FMNL2: variants seen among roughly 807,000 people sequenced by gnomAD.
FMNL2 encodes formin like 2, also known as formin-like protein 2.
Under a neutral mutation model 130.2 loss-of-function variants are expected in FMNL2, and 51 were observed. That is an observed-to-expected ratio of 0.39 (90% CI 0.31 to 0.49). The LOEUF (loss-of-function observed/expected upper bound fraction) is 0.49, where lower values mean the gene tolerates loss of function less well. Ranked by LOEUF, FMNL2 falls within the 20% of genes least tolerant of loss-of-function variation. The pLI is 0.85. For missense variants in FMNL2, 977 were observed against 1,316.2 expected, an observed-to-expected ratio of 0.74 and a Z score of 3.99; for synonymous variants, 465 against 467.1, an observed-to-expected ratio of 1.00 and a Z score of 0.06.
At chr2:152,422,368 C>T (rs1402463745) in intron 1 of FMNL2, among the ~76,000 whole-genome samples, 1 of 152,002 alleles carries the variant, frequency 6.6e-6, no homozygotes, top group East Asian at 1.9e-4. Flanking sequence ...TGAAGGGGGA[C>T]CAGGAATAGA....
chr2:152,536,809 G>C (rs1263430292), intron 2 of FMNL2, among the ~76,000 whole-genome samples: 2 of 152,084 alleles, frequency 1.3e-5, no homozygotes, highest in Non-Finnish European at 2.9e-5. Context: ...AGAATATGAA[G>C]GTATAAGATA....
intron 9 of FMNL2, among the ~76,000 whole-genome samples, chr2:152,605,887 C>T (rs909633330): frequency 6.6e-6 from 1 of 152,058 alleles, no homozygotes; most frequent in Non-Finnish European, 1.5e-5. Flanking sequence ...TGCCTGTCTA[C>T]CATGGTTTAA....
At chr2:152,553,749 ATAT>A (rs1242057518) in intron 4 of FMNL2, among the ~76,000 whole-genome samples, 1 of 151,698 alleles carries the variant, frequency 6.6e-6, no homozygotes, top group Non-Finnish European at 1.5e-5. Flanking sequence ...ATTAACATAA[ATAT>A]TAATACATTA....
chr2:152,463,396 A>T (rs1452339381), intron 1 of FMNL2, among the ~76,000 whole-genome samples: 1 of 152,190 alleles, frequency 6.6e-6, no homozygotes, highest in South Asian at 2.1e-4. Context: ...AAGGTCACAC[A>T]TCTTATTAGA....
At chr2:152,345,944 T>C (rs1421462425) in intron 1 of FMNL2, among the ~76,000 whole-genome samples, 1 of 152,208 alleles carries the variant, frequency 6.6e-6, no homozygotes, top group East Asian at 1.9e-4. Context: ...CTTAGAAATC[T>C]CCAGATCATT....
intron 1 of FMNL2, among the ~76,000 whole-genome samples, chr2:152,488,666 T>G (rs1223044348): frequency 6.6e-6 from 1 of 152,162 alleles, no homozygotes; most frequent in Non-Finnish European, 1.5e-5. Context: ...ACATATATAT[T>G]TAAAATCACA....
At chr2:152,483,256 A>G (rs1191385860) in intron 1 of FMNL2, among the ~76,000 whole-genome samples, 1 of 152,150 alleles carries the variant, frequency 6.6e-6, no homozygotes, top group Admixed American at 6.5e-5. Flanking sequence ...TGTCTGTGTC[A>G]CTGTAGACCC....
At chr2:152,611,165 C>T (rs1416006325) in intron 10 of FMNL2, among the ~76,000 whole-genome samples, 1 of 152,108 alleles carries the variant, frequency 6.6e-6, no homozygotes, top group Non-Finnish European at 1.5e-5. Context: ...ATGGTGAAAC[C>T]CCATCTCTAC....
chr2:152,490,986 A>G (rs748617823), intron 1 of FMNL2, among the ~76,000 whole-genome samples: 2 of 152,086 alleles, frequency 1.3e-5, no homozygotes, highest in African/African-American at 4.8e-5. Flanking sequence ...GCTGCTGTCT[A>G]TTAAGCCCTC....
At chr2:152,382,116 G>A (rs1003618497) in intron 1 of FMNL2, among the ~76,000 whole-genome samples, 2 of 151,982 alleles carry the variant, frequency 1.3e-5, no homozygotes, top group Non-Finnish European at 2.9e-5. Context: ...TTTACATACC[G>A]GTTTTAACCA....
intron 3 of FMNL2, among the ~76,000 whole-genome samples, chr2:152,543,026 A>G (rs1694399541): frequency 1.3e-5 from 2 of 152,246 alleles, no homozygotes; most frequent in South Asian, 4.1e-4. Context: ...TTCTTTCCTG[A>G]CATGAGAGTC....
chr2:152,567,186 C>G (rs903912263), intron 6 of FMNL2, among the ~76,000 whole-genome samples: 1 of 151,952 alleles, frequency 6.6e-6, no homozygotes, highest in African/African-American at 2.4e-5. Flanking sequence ...ATTAATTAGC[C>G]CCCCCAATAG....
intron 7 of FMNL2, among the ~76,000 whole-genome samples, chr2:152,576,223 G>C (rs964399163): frequency 1.3e-5 from 2 of 152,138 alleles, no homozygotes; most frequent in Non-Finnish European, 2.9e-5. Flanking sequence ...AATTTAAGAA[G>C]GGAAACATGC....
intron 14 of FMNL2, 73 bp from the exon 15 acceptor site, chr2:152,619,436 T>G: frequency 6.5e-7 from 1 of 1,543,082 alleles, no homozygotes. Context: ...GATGGCTTTA[T>G]ATGCACATGG....
intron 1 of FMNL2, among the ~76,000 whole-genome samples, chr2:152,400,431 G>T (rs1240250979): frequency 6.7e-6 from 1 of 149,454 alleles, no homozygotes. Flanking sequence ...AGCCAGACTC[G>T]GTCTCAAAAA....
rs1212788324 is a variant in FMNL2 at position 152,522,043 on chromosome 2, C to CT, written c.201+20dup. On this transcript the variant is annotated intron_variant, in intron 2 of 25. Transcript: ENST00000288670. Reference sequence around the variant, plus strand: ...TGTGATCAGGTAAGAAACAGTGACACTTTCTTTTATGAAAAAAGTAATGAA... The same window carrying CT: ...TGTGATCAGGTAAGAAACAGTGACACTTTTCTTTTATGAAAAAAGTAATGAA... 1.3e-6 allele frequency: 2 copies of CT among 1,586,142 alleles called. No homozygotes were observed. The highest frequency in any genetic ancestry group is 8.6e-7 in the Non-Finnish European group (1 of 1,163,958).
intron 1 of FMNL2, among the ~76,000 whole-genome samples, chr2:152,473,513 T>C (rs1417994007): frequency 6.6e-6 from 1 of 152,250 alleles, no homozygotes; most frequent in Non-Finnish European, 1.5e-5. Context: ...ATGGTCCACT[T>C]ATTTTTAGTG....
At chr2:152,390,729 TG>T in intron 1 of FMNL2, 1 of 690,966 alleles carries the variant, frequency 1.4e-6, no homozygotes, top group Non-Finnish European at 2.7e-6. Flanking sequence ...CCTCAGGGCT[TG>T]GGGTAGGCAT....
chr2:152,356,739 C>CT (rs61078878), intron 1 of FMNL2, among the ~76,000 whole-genome samples: 130,745 of 145,896 alleles, frequency 0.9, 58,736 homozygotes, highest in East Asian at 0.97. Context: ...CACTTTTGTG[C>CT]TTTTTTTTTT....
Sources: allele counts gnomAD v4.1 joint callset (sites outside exome capture counted in the v4.1 genomes callset), GRCh38; gene constraint gnomAD v4.1.1; transcripts MANE v1.5; gene names NCBI Gene and HGNC (gene_info 2026-07-23, HGNC 2026-07-21).